Variants in LSM5 observed in about 807,000 individuals in gnomAD.
LSM5 encodes LSM5 homolog, U6 small nuclear RNA and mRNA degradation associated, also known as U6 snRNA-associated Sm-like protein LSm5.
Under a neutral mutation model 13.8 loss-of-function variants are expected in LSM5, and 8 were observed. That is an observed-to-expected ratio of 0.58 (90% CI 0.34 to 1.04). The LOEUF is 1.04. Ranked by LOEUF, LSM5 falls within the 50% of genes least tolerant of loss-of-function variation. The pLI is 0.03. For missense variants in LSM5, 80 were observed against 108.1 expected (o/e 0.74, Z 1.15); for synonymous variants, 35 against 37.0 (o/e 0.95, Z 0.20).
chr7:32,489,539 C>A, intron 1 of LSM5, 195 bp from the exon 2 acceptor site: 1 of 514,536 alleles, frequency 1.9e-6, no homozygotes, highest in South Asian at 2.5e-5. Flanking sequence ...GAGTCTGTGG[C>A]ATGAAGGAAT....
Position 32,486,836 on chromosome 7 carries a change from C to T in LSM5, c.*425G>A, listed in dbSNP as rs529415124. 4 of 181,526 alleles carry T rather than the reference C, an allele frequency of 2.2e-5. No homozygotes were observed. In the South Asian group the frequency reaches 4.8e-4, roughly 22 times the overall value. The allele number at this position is 181,526 out of a possible 1,614,324, so 11.2% of individuals were successfully genotyped here. On this transcript the variant is annotated 3_prime_UTR_variant, in exon 5 of 5. Coordinates refer to ENST00000450169, the MANE Select transcript of LSM5 (RefSeq NM_012322.3). ...AACAACAGCATTTTAATTGAATTTT[C>T]TAAGTGATCATTTCCGGTTGTTTAA...
rs186025371 is a variant in LSM5, at chr7:32,488,814, T to A, written c.143-162A>T. Among the ~76,000 whole-genome samples, 4 of 152,304 alleles carry A rather than the reference T, an allele frequency of 2.6e-5. No homozygotes were observed. The East Asian group carries it at 7.7e-4, about 29-fold the overall frequency. The stretch of plus-strand genomic sequence containing the variant: ...TCACACCTCACTGCAGCCTCCACCT[T>A]TTAGGCTTAAAGGATCCTCCTGCCT... On this transcript the variant is annotated intron_variant, in intron 2 of 4. Coordinates refer to ENST00000450169, the MANE Select transcript of LSM5 (RefSeq NM_012322.3).
At chr7:32,490,836 T>A (rs548247347), upstream of LSM5, 38 of 175,362 alleles carry the variant, frequency 2.2e-4, no homozygotes, top group South Asian at 2.9e-3. Flanking sequence ...TAGCATTTTT[T>A]AAAATTTTTC....
Position 32,487,696 on chromosome 7 carries a change from T to G in LSM5, c.232A>C (p.Asn78His), listed in dbSNP as rs1348675193. Residue 78 changes from asparagine to histidine, a missense_variant, in exon 4 of 5, where the codon AAT (asparagine) becomes CAT (histidine). Physicochemically the swap from Asn to His is moderately conservative, Grantham distance 68 (BLOSUM62 1). Coordinates refer to ENST00000450169, the MANE Select transcript of LSM5 (RefSeq NM_012322.3). ...TCAATGTGTCTTACCATTGTTATAT[T>G]ATTTCCATTTAGCAAAATCTGATCT... Reference protein sequence around the residue: ...KLDQILLNGNNITMLVPGGEG... With the variant: ...KLDQILLNGNHITMLVPGGEG... 1 of 1,508,672 alleles carries G rather than the reference T, an allele frequency of 6.6e-7. No individual in the cohort carries two copies. The highest frequency in any genetic ancestry group is 1.7e-5 in the Admixed American group (1 of 59,840). The allele number at this position is 1,508,672 out of a possible 1,614,324, so 93.5% of individuals were successfully genotyped here. A position where few individuals can be genotyped will look rare whatever the true frequency, so the allele number is the denominator to read the frequency against.
upstream of LSM5, among the ~76,000 whole-genome samples, chr7:32,491,990 A>C (rs915211427): frequency 6.6e-6 from 1 of 152,208 alleles, no homozygotes; most frequent in Non-Finnish European, 1.5e-5. Flanking sequence ...TCACTATTTC[A>C]TTCACACCCA....
chr7:32,490,798 A>C (rs771552930), upstream of LSM5: 2 of 187,532 alleles, frequency 1.1e-5, no homozygotes, highest in Non-Finnish European at 2.5e-5. Context: ...GTTTCTTTTT[A>C]AAGTCCAGTG....
chr7:32,486,504 T>G lies in LSM5; in HGVS notation c.*757A>C, dbSNP rs1786452118. ...TTTAATAGGAGTTCTTTGACTTAAT[T>G]TATACAGTTCAATGATCTTATTATC... On this transcript the variant is annotated 3_prime_UTR_variant, in exon 5 of 5. Coordinates refer to ENST00000450169, the MANE Select transcript of LSM5 (RefSeq NM_012322.3). 1 of 152,242 alleles carries G rather than the reference T, an allele frequency of 6.6e-6. No homozygotes were observed. The highest frequency in any genetic ancestry group is 1.5e-5 in the Non-Finnish European group (1 of 68,064). 9.4% of individuals were successfully genotyped at this position (152,242 alleles called of 1,614,324 possible). A position where few individuals can be genotyped will look rare whatever the true frequency, so the allele number is the denominator to read the frequency against.
At chr7:32,488,487 C>T (rs1206777984) in intron 3 of LSM5, 138 bp downstream of exon 3, 3 of 641,306 alleles carry the variant, frequency 4.7e-6, no homozygotes, top group Non-Finnish European at 8.3e-6. Flanking sequence ...TCCAATTTTA[C>T]AAGCAAACAG....
chr7:32,489,516 G>C (rs1786523910), intron 1 of LSM5, 172 bp from the exon 2 acceptor site: 1 of 560,196 alleles, frequency 1.8e-6, no homozygotes, highest in East Asian at 3.3e-5. Context: ...GGCACATAAT[G>C]AGCCTTCCAA....
chr7:32,487,609 ATTAAGG>A (rs1368888336), intron 4 of LSM5, 70 bp downstream of exon 4: 1 of 825,330 alleles, frequency 1.2e-6, no homozygotes, highest in Non-Finnish European at 2.1e-6. Flanking sequence ...AGCAAGCAAC[ATTAAGG>A]TTAGTTCTGT....
At chr7:32,488,962 C>T (rs190976827) in intron 2 of LSM5, among the ~76,000 whole-genome samples, 6 of 151,942 alleles carry the variant, frequency 3.9e-5, no homozygotes, top group African/African-American at 7.2e-5. Context: ...TGGGCTCAAG[C>T]GATCCACCCA....
chr7:32,488,597 T>C (rs1184440934), intron 3 of LSM5, 28 bp downstream of exon 3: 2 of 1,510,250 alleles, frequency 1.3e-6, no homozygotes, highest in East Asian at 2.3e-5. Flanking sequence ...TAAGAAGAGA[T>C]TCCCCCCAAT....
At chr7:32,495,009 G>A (rs575193382), upstream of LSM5, 6 of 152,260 alleles carry the variant, frequency 3.9e-5, no homozygotes, top group Non-Finnish European at 7.4e-5. Context: ...TATGCTCCAT[G>A]TTACTACATA....
At chr7:32,494,845 G>A (rs1382041677), upstream of LSM5, 1 of 152,122 alleles carries the variant, frequency 6.6e-6, no homozygotes, top group Admixed American at 6.5e-5. Context: ...TTCCTTTGTT[G>A]TCAAGGATAT....
intron 1 of LSM5, chr7:32,490,094 C>T: frequency 2.0e-6 from 3 of 1,512,600 alleles, no homozygotes; most frequent in Non-Finnish European, 2.7e-6. Flanking sequence ...TGGACCTTTT[C>T]CAGTGAAGGT....
At chr7:32,487,331 C>T (rs369609865) in intron 4 of LSM5, 38 bp from the exon 5 acceptor site, 10 of 1,585,462 alleles carry the variant, frequency 6.3e-6, no homozygotes, top group Admixed American at 5.0e-5. Flanking sequence ...AATAACACTA[C>T]CACCATGTCA....
intron 3 of LSM5, 124 bp from the exon 4 acceptor site, chr7:32,487,881 T>C (rs1195290605): frequency 6.6e-6 from 4 of 606,396 alleles, no homozygotes; most frequent in African/African-American, 5.5e-5. Flanking sequence ...TGAGCAATTA[T>C]ATCCACAATT....
At chr7:32,490,230 A>G in intron 1 of LSM5, 90 bp downstream of exon 1, 1 of 1,611,212 alleles carries the variant, frequency 6.2e-7, no homozygotes, top group Non-Finnish European at 8.5e-7. Flanking sequence ...ATTTCCCCAC[A>G]CTCGGCCAGG....
chr7:32,486,158 T>C lies in LSM5; in HGVS notation c.*1103A>G, dbSNP rs1786439250. On this transcript the variant is annotated 3_prime_UTR_variant, in exon 5 of 5. Coordinates refer to ENST00000450169, the MANE Select transcript of LSM5 (RefSeq NM_012322.3). ...TTGATCTTACACATTTTTGAGTTTA[T>C]TCTAGAAAAATACAAATGTATAAAG... The C allele has an allele frequency of 6.6e-6, 1 of 152,196 alleles. No individual in the cohort carries two copies. Among genetic ancestry groups the C allele is most frequent in the Non-Finnish European group, 1.5e-5 (1 of 68,034 alleles). 9.4% of individuals were successfully genotyped at this position (152,196 alleles called of 1,614,324 possible).
Sources: gnomAD v4.1 joint callset for allele counts (sites outside exome capture counted in the v4.1 genomes callset) on GRCh38, gnomAD v4.1.1 for gene constraint, MANE v1.5 for transcripts, NCBI Gene and HGNC (gene_info 2026-07-23, HGNC 2026-07-21) for gene names.